Variants in CDK5RAP3 observed in about 807,000 individuals in gnomAD.
The protein encoded by CDK5RAP3 is CDK5 regulatory subunit-associated protein 3.
Under a neutral mutation model 73.3 loss-of-function variants are expected in CDK5RAP3, and 58 were observed. The observed-to-expected ratio is 0.79, with a 90% confidence interval of 0.64 to 0.98. CDK5RAP3 has a LOEUF of 0.98. Ranked by LOEUF, CDK5RAP3 falls within the 50% of genes least tolerant of loss-of-function variation. The pLI is 0.00. For missense variants in CDK5RAP3, 525 were observed against 615.8 expected, an observed-to-expected ratio of 0.85 and a Z score of 1.56; for synonymous variants, 224 against 247.5, an observed-to-expected ratio of 0.91 and a Z score of 0.89.
At chr17:47,973,386 C>A in intron 2 of CDK5RAP3, 133 bp from the exon 3 acceptor site, 2 of 987,546 alleles carry the variant, frequency 2.0e-6, no homozygotes, top group Non-Finnish European at 2.9e-6. Context: ...TTATTCCCAT[C>A]TTCCCATGAC....
chr17:47,977,729 G>A (rs1278729806), intron 9 of CDK5RAP3, 103 bp from the exon 10 acceptor site: 3 of 896,552 alleles, frequency 3.3e-6, no homozygotes, highest in Non-Finnish European at 5.2e-6. Flanking sequence ...TAATAGAGTT[G>A]GAATGTGCAG....
At chr17:47,974,629 T>G (rs2144221172) in intron 5 of CDK5RAP3, 181 bp downstream of exon 5, 1 of 1,420,388 alleles carries the variant, frequency 7.0e-7, no homozygotes, top group South Asian at 1.4e-5. Flanking sequence ...CTGAGTGGAG[T>G]GCTGGGGGAA....
In CDK5RAP3 at chr17:47,981,170, G is replaced by A; in HGVS notation, c.1291G>A (p.Asp431Asn). The A allele has an allele frequency of 6.2e-7, 1 of 1,613,990 alleles. No individual in the cohort carries two copies. The highest frequency in any genetic ancestry group is 1.1e-5 in the South Asian group (1 of 91,034). The change falls in exon 13 of 14, where the codon GAC becomes AAC. Residue 431 changes from aspartate to asparagine, a missense_variant. By Grantham distance (23) the Asp-to-Asn change is conservative (BLOSUM62 1). This residue lies in a region of CDK5RAP3 where 116 missense variants were observed against 186.1 expected (regional missense o/e 0.62). Coordinates refer to ENST00000338399, the MANE Select transcript of CDK5RAP3 (RefSeq NM_176096.3). ...FMILASPRYV[D>N]RVTEFLQQKL... ...CCTGAGTGCCCCGCACAGGTATGTGGACCGAGTGACTGAATTCCTCCAGCA... is the reference window on the plus strand; with the variant it reads ...CCTGAGTGCCCCGCACAGGTATGTGAACCGAGTGACTGAATTCCTCCAGCA...
rs1394485382 is a variant in CDK5RAP3 at position 47,971,157 on chromosome 17, G to T, written c.6+5G>T. The T allele has an allele frequency of 1.9e-6, 3 of 1,548,596 alleles. No individual in the cohort carries two copies. Among genetic ancestry groups the T allele is most frequent in the Non-Finnish European group, 8.7e-7 (1 of 1,145,344 alleles). On this transcript the variant is annotated splice_donor_5th_base_variant and intron_variant, in intron 1 of 13. Coordinates refer to ENST00000338399, the MANE Select transcript of CDK5RAP3 (RefSeq NM_176096.3). ...GGAAGTGGAGGAAAGATGGAGGTGTGGGGACAGGAGCTGGGTGTGCTGGGG... is the reference window on the plus strand; with the variant it reads ...GGAAGTGGAGGAAAGATGGAGGTGTTGGGACAGGAGCTGGGTGTGCTGGGG...
Position 47,973,584 on chromosome 17 carries a change from A to G in CDK5RAP3, c.118A>G (p.Lys40Glu). The part of the protein sequence containing the change: ...WQSLVLTIRE[K>E]INAAIQDMPE... ...GAGTCTGGTGCTGACGATCCGCGAG[A>G]AGATCAATGCTGCCATCCAGGACAT... is the stretch of plus-strand genomic sequence containing the variant. Residue 40 changes from lysine to glutamate, a missense_variant, in exon 3 of 14, where the codon AAG becomes GAG. Around this residue, in one of 2 missense-constraint regions of CDK5RAP3, gnomAD observed 409 missense variants for 429.8 expected, o/e 0.95. Transcript: ENST00000338399. The G allele has an allele frequency of 1.9e-6, 3 of 1,614,168 alleles. No individual in the cohort carries two copies. Among genetic ancestry groups the G allele is most frequent in the Non-Finnish European group, 2.5e-6 (3 of 1,180,026 alleles).
At chr17:47,978,722 G>T in intron 10 of CDK5RAP3, 107 bp from the exon 11 acceptor site, 1 of 826,626 alleles carries the variant, frequency 1.2e-6, no homozygotes, top group Non-Finnish European at 2.0e-6. Flanking sequence ...AGTGGCTTTA[G>T]CACAGTGAGT....
upstream of CDK5RAP3, among the ~76,000 whole-genome samples, chr17:47,969,556 C>CA (rs36208323): frequency 0.035 from 2,785 of 79,650 alleles, 171 homozygotes; most frequent in Non-Finnish European, 0.049. Flanking sequence ...GACTCCGTCT[C>CA]AAAAAAAAAA....
intron 5 of CDK5RAP3, 61 bp from the exon 6 acceptor site, chr17:47,975,098 C>G: frequency 1.2e-6 from 2 of 1,613,408 alleles, no homozygotes; most frequent in Non-Finnish European, 1.7e-6. Flanking sequence ...GTGTGTGCAT[C>G]CTGGGGCATG....
At chr17:47,980,822 G>T (rs200285695) in intron 12 of CDK5RAP3, 24 bp downstream of exon 12, 27 of 1,609,414 alleles carry the variant, frequency 1.7e-5, no homozygotes, top group Non-Finnish European at 2.2e-5. Flanking sequence ...TTGATGCAAG[G>T]CTCTGCCATC....
chr17:47,974,718 T>G (rs1030175382), intron 5 of CDK5RAP3: 3 of 1,335,670 alleles, frequency 2.2e-6, no homozygotes, highest in Non-Finnish European at 2.9e-6. Context: ...CACTCACCTC[T>G]TGGTTAGCGG....
At position 47,974,901 on chromosome 17, in the gene CDK5RAP3, T is replaced by C. The variant is rs934583631; in HGVS notation, c.335-258T>C. 53 of 1,377,502 alleles carry C rather than the reference T, an allele frequency of 3.8e-5. No homozygotes were observed. In the Middle Eastern group the frequency reaches 1.3e-3, roughly 35 times the overall value. The allele number at this position is 1,377,502 out of a possible 1,614,324, so 85.3% of individuals were successfully genotyped here. A position where few individuals can be genotyped will look rare whatever the true frequency, so the allele number is the denominator to read the frequency against. On this transcript the variant is annotated intron_variant, in intron 5 of 13. Coordinates refer to ENST00000338399, the MANE Select transcript of CDK5RAP3 (RefSeq NM_176096.3). ...TGGCTAATATTTCCTGAGCATCTAC[T>C]AAATGCAAGGAATTGTGCTTGGTGT... is the stretch of plus-strand genomic sequence containing the variant.
intron 10 of CDK5RAP3, among the ~76,000 whole-genome samples, chr17:47,978,220 C>T (rs1396509551): frequency 2.0e-5 from 3 of 151,944 alleles, no homozygotes; most frequent in Non-Finnish European, 4.4e-5. Flanking sequence ...CAGGCATGCA[C>T]CACCACGCAC....
intron 11 of CDK5RAP3, 59 bp downstream of exon 11, chr17:47,978,976 C>T (rs936272200): frequency 1.6e-5 from 20 of 1,289,806 alleles, no homozygotes; most frequent in African/African-American, 5.8e-5. Context: ...GGTGGCTTCA[C>T]TCCAGATGCC....
upstream of CDK5RAP3, chr17:47,970,814 G>T: frequency 1.3e-5 from 19 of 1,429,042 alleles, no homozygotes; most frequent in Non-Finnish European, 1.8e-5. Context: ...GCCAGGGGAA[G>T]CGGCTGCCAG....
chr17:47,978,462 G>C (rs1451348976), intron 10 of CDK5RAP3: 1 of 235,122 alleles, frequency 4.3e-6, no homozygotes, highest in African/African-American at 2.3e-5. Flanking sequence ...GGCTCTAGGG[G>C]GATCGGGGCC....
In CDK5RAP3 at chr17:47,973,916, T is replaced by C. The variant is rs1176953609; in HGVS notation, c.185-15T>C. 6.3e-7 allele frequency: 1 copy of C among 1,596,426 alleles called. No homozygotes were observed. Among genetic ancestry groups the C allele is most frequent in the Non-Finnish European group, 8.6e-7 (1 of 1,163,968 alleles). On this transcript the variant is annotated splice_polypyrimidine_tract_variant and intron_variant, in intron 3 of 13. Transcript: ENST00000338399. ...AGATACTTTAGTTCTCGAAATCCCG[T>C]CTCTTGCTTTCTAGACATTCACTAC...
chr17:47,971,075 CACA>C, upstream of CDK5RAP3: 2 of 1,550,944 alleles, frequency 1.3e-6, no homozygotes, highest in South Asian at 2.4e-5. Flanking sequence ...GAGGCTCGGC[CACA>C]ACGCCACTGG....
upstream of CDK5RAP3, chr17:47,970,464 G>A: frequency 1.7e-6 from 1 of 595,960 alleles, no homozygotes. Flanking sequence ...AGCTTTGTCT[G>A]TGTAGTCTCC....
chr17:47,978,663 G>C, intron 10 of CDK5RAP3, 166 bp from the exon 11 acceptor site: 1 of 606,266 alleles, frequency 1.6e-6, no homozygotes, highest in Non-Finnish European at 2.9e-6. Flanking sequence ...CCTGATTAGA[G>C]CTGAGACACC....
Sources: gnomAD v4.1 joint callset for allele counts (sites outside exome capture counted in the v4.1 genomes callset) on GRCh38, gnomAD v4.1.1 for gene constraint, gnomAD v4.1.1 regional missense constraint, MANE v1.5 for transcripts, NCBI Gene and HGNC (gene_info 2026-07-23, HGNC 2026-07-21) for gene names.